Variants in UHRF2 observed in about 807,000 individuals in gnomAD.
UHRF2 encodes ubiquitin like with PHD and ring finger domains 2.
In UHRF2, 23 loss-of-function variants were observed where a neutral mutation model predicts 96.8. That is an observed-to-expected ratio of 0.24 (90% CI 0.17 to 0.34). The LOEUF is 0.34. UHRF2 is among the 10% of genes least tolerant of loss of function. The pLI is 1.00. For missense variants in UHRF2, 685 were observed against 981.5 expected (o/e 0.70, Z 4.04); for synonymous variants, 385 against 332.6 (o/e 1.16, Z -1.72).
intron 3 of UHRF2, among the ~76,000 whole-genome samples, chr9:6,451,409 A>G (rs1821851809): frequency 3.3e-5 from 5 of 152,034 alleles, no homozygotes; most frequent in Admixed American, 3.3e-4. Flanking sequence ...ATATACTAAG[A>G]GAAATTGAGC....
chr9:6,420,670 G>A (rs1397045514), intron 1 of UHRF2, among the ~76,000 whole-genome samples: 9 of 150,264 alleles, frequency 6.0e-5, no homozygotes, highest in Non-Finnish European at 1.2e-4. Flanking sequence ...TCGTGCCACT[G>A]CCCTCCAGCC....
At chr9:6,468,436 C>A (rs1319578251) in intron 4 of UHRF2, 2 of 455,892 alleles carry the variant, frequency 4.4e-6, no homozygotes, top group South Asian at 3.1e-5. Flanking sequence ...TTTGAATGCA[C>A]CAGAGAATCA....
chr9:6,429,948 C>T (rs1319418450), intron 2 of UHRF2, among the ~76,000 whole-genome samples: 1 of 152,180 alleles, frequency 6.6e-6, no homozygotes, highest in Non-Finnish European at 1.5e-5. Flanking sequence ...ATGATTGCCC[C>T]TTGCCTCCCA....
At chr9:6,467,041 A>G (rs1822906222) in intron 4 of UHRF2, among the ~76,000 whole-genome samples, 1 of 152,236 alleles carries the variant, frequency 6.6e-6, no homozygotes, top group African/African-American at 2.4e-5. Context: ...ACAACAAATT[A>G]CCACAAACAT....
At chr9:6,464,850 T>C (rs1822764730) in intron 4 of UHRF2, among the ~76,000 whole-genome samples, 1 of 152,180 alleles carries the variant, frequency 6.6e-6, no homozygotes, top group Admixed American at 6.5e-5. Context: ...AGGTTTTATA[T>C]GTTCTTAGCT....
intron 3 of UHRF2, among the ~76,000 whole-genome samples, chr9:6,444,049 A>G (rs1821344447): frequency 6.6e-6 from 1 of 152,218 alleles, no homozygotes; most frequent in South Asian, 2.1e-4. Flanking sequence ...GAGTATATTG[A>G]TGTAGTGATC....
chr9:6,491,933 A>T (rs538400325), intron 9 of UHRF2, among the ~76,000 whole-genome samples: 7 of 152,274 alleles, frequency 4.6e-5, no homozygotes, highest in Non-Finnish European at 8.8e-5. Context: ...AGGTCTCGCT[A>T]TGTCACCCAG....
chr9:6,464,311 G>A (rs757283646), intron 4 of UHRF2, among the ~76,000 whole-genome samples: 7 of 152,092 alleles, frequency 4.6e-5, no homozygotes, highest in Non-Finnish European at 1.0e-4. Flanking sequence ...TTCATTTTTA[G>A]GAGTTCTAAT....
intron 1 of UHRF2, 48 bp from the exon 2 acceptor site, chr9:6,420,864 A>G (rs762353213): frequency 6.9e-6 from 10 of 1,444,236 alleles, no homozygotes; most frequent in Non-Finnish European, 8.8e-6. Flanking sequence ...AAAATGTAGT[A>G]AGATACATTT....
chr9:6,417,138 G>A (rs559119342), intron 1 of UHRF2, among the ~76,000 whole-genome samples: 4 of 152,256 alleles, frequency 2.6e-5, no homozygotes, highest in African/African-American at 9.6e-5. Context: ...GTAGTTGCTT[G>A]GGAATGACTT....
chr9:6,476,033 C>A (rs1018408315), intron 5 of UHRF2, among the ~76,000 whole-genome samples: 2 of 152,166 alleles, frequency 1.3e-5, no homozygotes, highest in Non-Finnish European at 2.9e-5. Context: ...TATCCCCTGT[C>A]CCACTTCCCT....
At chr9:6,497,655 T>G (rs1825051591) in intron 11 of UHRF2, among the ~76,000 whole-genome samples, 1 of 152,170 alleles carries the variant, frequency 6.6e-6, no homozygotes. Flanking sequence ...AACTTGATTT[T>G]TATATATCTT....
In UHRF2 at chr9:6,459,664, A is replaced by G. The variant is rs199793502; in HGVS notation, c.645-909A>G. ...AGCCTGGCTGACAGAGTAAGACTCC[A>G]TCTCACAAAACAAAACAAAAAACTT... On this transcript the variant is annotated intron_variant, in intron 3 of 15. Coordinates refer to ENST00000276893, the MANE Select transcript of UHRF2 (RefSeq NM_152896.3). Among the ~76,000 whole-genome samples, 39 of 152,302 alleles carry G rather than the reference A, an allele frequency of 2.6e-4. No individual in the cohort carries two copies. In the East Asian group the frequency reaches 7.3e-3, roughly 29 times the overall value.
chr9:6,453,049 G>T (rs1322214986), intron 3 of UHRF2, among the ~76,000 whole-genome samples: 1 of 151,996 alleles, frequency 6.6e-6, no homozygotes, highest in Non-Finnish European at 1.5e-5. Context: ...AAAAATGTAT[G>T]CTTCATTTTC....
chr9:6,496,241 T>C (rs1333251646), intron 10 of UHRF2: 1 of 152,162 alleles, frequency 6.6e-6, no homozygotes, highest in African/African-American at 2.4e-5. Flanking sequence ...TTGGGTATAG[T>C]TCTGTTTTTT....
At chr9:6,436,043 G>C (rs1297126148) in intron 3 of UHRF2, among the ~76,000 whole-genome samples, 4 of 152,180 alleles carry the variant, frequency 2.6e-5, no homozygotes, top group Non-Finnish European at 5.9e-5. Context: ...GACAGATTTA[G>C]TATATTAAAC....
intron 4 of UHRF2, among the ~76,000 whole-genome samples, chr9:6,474,414 A>G (rs1220887777): frequency 6.6e-6 from 1 of 152,210 alleles, no homozygotes; most frequent in Non-Finnish European, 1.5e-5. Flanking sequence ...ACAGATTAAA[A>G]GGAGAAATGG....
intron 3 of UHRF2, among the ~76,000 whole-genome samples, chr9:6,437,382 G>T (rs1820913807): frequency 6.6e-6 from 1 of 151,946 alleles, no homozygotes; most frequent in Non-Finnish European, 1.5e-5. Context: ...ACAGGTGCCT[G>T]CCACCACGCC....
intron 3 of UHRF2, among the ~76,000 whole-genome samples, chr9:6,436,961 G>A (rs561576355): frequency 6.6e-6 from 1 of 152,220 alleles, no homozygotes; most frequent in Non-Finnish European, 1.5e-5. Context: ...ACAGGTAAAT[G>A]TCACCTCTTT....
Sources: gnomAD v4.1 joint callset for allele counts (sites outside exome capture counted in the v4.1 genomes callset) on GRCh38, gnomAD v4.1.1 for gene constraint, MANE v1.5 for transcripts, NCBI Gene and HGNC (gene_info 2026-07-23, HGNC 2026-07-21) for gene names.